The following PLPPR1 variants were observed in gnomAD, a reference collection of about 807,000 sequenced individuals.
The protein encoded by PLPPR1 is phospholipid phosphatase-related protein type 1.
In PLPPR1, 10 loss-of-function variants were observed where a neutral mutation model predicts 33.1. That is an observed-to-expected ratio of 0.30 (90% confidence interval 0.19 to 0.51). The LOEUF is 0.51. PLPPR1 is among the 20% of genes least tolerant of loss of function. PLPPR1 has a pLI of 0.97. For missense variants in PLPPR1, 304 were observed against 408.1 expected (o/e 0.74, Z 2.20); for synonymous variants, 151 against 151.0 (o/e 1.00, Z 0.00).
intron 2 of PLPPR1, among the ~76,000 whole-genome samples, chr9:101,234,103 C>T (rs1827246111): frequency 6.6e-6 from 1 of 151,794 alleles, no homozygotes; most frequent in South Asian, 2.1e-4. Flanking sequence ...ATGGTCTCCT[C>T]TAGGTTCATG....
chr9:101,069,733 C>A (rs1830460986), intron 1 of PLPPR1, among the ~76,000 whole-genome samples: 1 of 152,142 alleles, frequency 6.6e-6, no homozygotes, highest in South Asian at 2.1e-4. Flanking sequence ...ACTGGCAACA[C>A]TTACGTCCCT....
chr9:101,261,977 C>T (rs1484621494), intron 2 of PLPPR1, among the ~76,000 whole-genome samples: 1 of 151,490 alleles, frequency 6.6e-6, no homozygotes, highest in Non-Finnish European at 1.5e-5. Context: ...TACCCCTGAA[C>T]TTAAAAGTTA....
intron 2 of PLPPR1, among the ~76,000 whole-genome samples, chr9:101,260,088 G>C (rs920792172): frequency 2.6e-5 from 4 of 151,972 alleles, no homozygotes; most frequent in Non-Finnish European, 4.4e-5. Context: ...CTGCCTCCTT[G>C]CTATAACCTC....
chr9:101,214,814 G>A (rs964357837), intron 2 of PLPPR1, among the ~76,000 whole-genome samples: 1 of 152,144 alleles, frequency 6.6e-6, no homozygotes, highest in Non-Finnish European at 1.5e-5. Flanking sequence ...CTTGAGGTCA[G>A]GAGTTCAAGA....
intron 7 of PLPPR1, among the ~76,000 whole-genome samples, chr9:101,317,808 A>G (rs1349726172): frequency 6.6e-6 from 1 of 152,222 alleles, no homozygotes; most frequent in Non-Finnish European, 1.5e-5. Flanking sequence ...TATGGAAAAA[A>G]GCAATTTGAC....
At chr9:101,070,234 C>A (rs1390237278) in intron 1 of PLPPR1, among the ~76,000 whole-genome samples, 1 of 152,018 alleles carries the variant, frequency 6.6e-6, no homozygotes, top group Non-Finnish European at 1.5e-5. Flanking sequence ...ACAGGAGATT[C>A]ATTTCTTCTC....
chr9:101,105,960 T>C (rs956211281), intron 1 of PLPPR1, among the ~76,000 whole-genome samples: 1 of 147,856 alleles, frequency 6.8e-6, no homozygotes, highest in Admixed American at 6.7e-5. Flanking sequence ...TATCAGAGAC[T>C]AGGATTGCAA....
chr9:101,230,890 A>T (rs1341951289), intron 2 of PLPPR1, among the ~76,000 whole-genome samples: 7 of 143,934 alleles, frequency 4.9e-5, no homozygotes, highest in African/African-American at 1.6e-4. Flanking sequence ...AAATTTATTT[A>T]TTTTTTTTCC....
chr9:101,117,767 C>A (rs1476645670), intron 1 of PLPPR1, among the ~76,000 whole-genome samples: 1 of 151,972 alleles, frequency 6.6e-6, no homozygotes, highest in Non-Finnish European at 1.5e-5. Context: ...AATGGAGATA[C>A]TACCTCTTTC....
intron 1 of PLPPR1, among the ~76,000 whole-genome samples, chr9:101,166,662 T>C (rs1825862444): frequency 6.6e-6 from 1 of 152,176 alleles, no homozygotes; most frequent in Admixed American, 6.6e-5. Flanking sequence ...AGAAATATTA[T>C]AGTGTTAAAT....
intron 7 of PLPPR1, among the ~76,000 whole-genome samples, chr9:101,319,372 T>C (rs1829112985): frequency 6.6e-6 from 1 of 152,250 alleles, no homozygotes; most frequent in South Asian, 2.1e-4. Flanking sequence ...GAGACGGTTT[T>C]TTGCCATGTT....
At chr9:101,179,898 A>G (rs986515684) in intron 1 of PLPPR1, among the ~76,000 whole-genome samples, 12 of 151,696 alleles carry the variant, frequency 7.9e-5, no homozygotes, top group Admixed American at 7.2e-4. Context: ...AGCAGGCAGA[A>G]AAACTTGAAA....
chr9:101,265,728 G>T (rs1827978838), intron 2 of PLPPR1, among the ~76,000 whole-genome samples: 1 of 152,116 alleles, frequency 6.6e-6, no homozygotes, highest in African/African-American at 2.4e-5. Context: ...CGGGTACGGT[G>T]GCTCAAGCCT....
intron 3 of PLPPR1, among the ~76,000 whole-genome samples, chr9:101,282,280 A>G (rs1286785828): frequency 2.0e-5 from 3 of 152,180 alleles, no homozygotes; most frequent in African/African-American, 7.2e-5. Flanking sequence ...CAATAAATGT[A>G]GTACATCACT....
intron 1 of PLPPR1, among the ~76,000 whole-genome samples, chr9:101,074,734 G>A (rs1300055458): frequency 1.3e-5 from 2 of 152,104 alleles, no homozygotes; most frequent in East Asian, 3.9e-4. Flanking sequence ...AATGGTGTAT[G>A]AGTATGTTTG....
chr9:101,248,477 A>T (rs1043860046), intron 2 of PLPPR1, among the ~76,000 whole-genome samples: 1 of 152,050 alleles, frequency 6.6e-6, no homozygotes, highest in Non-Finnish European at 1.5e-5. Flanking sequence ...CAGATTATGC[A>T]TTGTGCTATG....
intron 6 of PLPPR1, among the ~76,000 whole-genome samples, chr9:101,314,683 G>A (rs778474292): frequency 6.6e-6 from 1 of 151,540 alleles, no homozygotes; most frequent in African/African-American, 2.4e-5. Context: ...GACACAAAGT[G>A]AGCATGTGCT....
intron 1 of PLPPR1, among the ~76,000 whole-genome samples, chr9:101,139,553 C>G (rs188903495): frequency 4.7e-4 from 71 of 152,202 alleles, no homozygotes; most frequent in African/African-American, 1.6e-3. Flanking sequence ...TCCTTTTCCC[C>G]TTCAGGATTG....
At chr9:101,250,334 C>G (rs924945752) in intron 2 of PLPPR1, among the ~76,000 whole-genome samples, 1 of 152,080 alleles carries the variant, frequency 6.6e-6, no homozygotes, top group African/African-American at 2.4e-5. Context: ...CATCCTCCTC[C>G]TTTTCAAAGA....
Sources: allele counts gnomAD v4.1 joint callset (sites outside exome capture counted in the v4.1 genomes callset), GRCh38; gene constraint gnomAD v4.1.1; transcripts MANE v1.5; gene names NCBI Gene and HGNC (gene_info 2026-07-23, HGNC 2026-07-21).